TOMM6: variants seen among roughly 807,000 people sequenced by gnomAD.
TOMM6 encodes the protein translocase of outer mitochondrial membrane 6.
A neutral mutation model predicts 6.0 loss-of-function variants in TOMM6; 6 were observed. The observed-to-expected ratio is 1.00, with a 90% CI of 0.55 to 1.98. TOMM6 has a LOEUF of 1.98. Among genes scored for constraint, TOMM6 ranks in the 30% most tolerant of loss-of-function variants. The pLI, the probability that TOMM6 is intolerant of heterozygous loss-of-function variation, is 0.00. For missense variants in TOMM6, 104 were observed against 95.3 expected (o/e 1.09, Z -0.38); for synonymous variants, 44 against 36.3 (o/e 1.21, Z -0.76).
rs1210726646 is a variant in TOMM6, at chr6:41,789,267, G to T, written c.164G>T (p.Gly55Val). 6.4e-7 allele frequency: 1 copy of T among 1,551,436 alleles called. No individual in the cohort carries two copies. Among genetic ancestry groups the T allele is most frequent in the Admixed American group, 2.0e-5 (1 of 51,002 alleles). The change falls in exon 2 of 3, where the codon GGA (glycine) becomes GTA (valine). Residue 55 changes from glycine (G) to valine (V), a missense_variant. Gly to Val is a moderately radical substitution (Grantham distance 109). Coordinates refer to ENST00000398881, the MANE Select transcript of TOMM6 (RefSeq NM_001382294.1). ...LILNLGLFAA[G>V]VWLARNLSDI... ...CTAAATTTGGGACTCTTTGCTGCGGGAGTTTGGCTGGCCAGGAACTTGAGT... is the reference window on the plus strand; with the variant it reads ...CTAAATTTGGGACTCTTTGCTGCGGTAGTTTGGCTGGCCAGGAACTTGAGT...
chr6:41,787,991 G>A (rs1027113459), intron 1 of TOMM6, among the ~76,000 whole-genome samples, 166 bp downstream of exon 1: 3 of 152,200 alleles, frequency 2.0e-5, no homozygotes, highest in Admixed American at 2.0e-4. Flanking sequence ...CTGGCCAGGA[G>A]AGTTCCCGTG....
chr6:41,788,146 G>C lies in TOMM6; in HGVS notation c.128+321G>C, dbSNP rs9471654. On this transcript the variant is annotated intron_variant, in intron 1 of 2. Coordinates refer to ENST00000398881, the MANE Select transcript of TOMM6 (RefSeq NM_001382294.1). ...GCGTTTGATCTTACATTTCTTTTTT[G>C]TTTTTTTTTTTTTTTTGAGACGGAG... 5.0e-3 allele frequency among the ~76,000 whole-genome samples: 476 copies of C among 95,928 alleles called. 15 individuals are homozygous for C. Among genetic ancestry groups the C allele is most frequent in the East Asian group, 0.017 (44 of 2,666 alleles). The allele number at this position is 95,928 out of a possible 152,430, so 62.9% of individuals were successfully genotyped here. A position where few individuals can be genotyped will look rare whatever the true frequency, so the allele number is the denominator to read the frequency against.
chr6:41,789,353 A>T lies in TOMM6; in HGVS notation c.*8+17A>T. ...GCCAAGTAGGTAAGCACTGAACTAC[A>T]CCCATGCGTGTCTTAGGAGACCTAG... On this transcript the variant is annotated intron_variant, in intron 2 of 2. Transcript: ENST00000398881. The T allele has an allele frequency of 6.6e-7, 1 of 1,524,800 alleles. No homozygotes were observed. Among genetic ancestry groups the T allele is most frequent in the East Asian group, 2.5e-5 (1 of 40,800 alleles). The allele number at this position is 1,524,800 out of a possible 1,614,324, so 94.5% of individuals were successfully genotyped here. A position where few individuals can be genotyped will look rare whatever the true frequency, so the allele number is the denominator to read the frequency against.
intron 1 of TOMM6, among the ~76,000 whole-genome samples, chr6:41,788,864 G>C (rs1772739293): frequency 6.6e-6 from 1 of 150,836 alleles, no homozygotes; most frequent in African/African-American, 2.4e-5. Context: ...TCCTGCCTCA[G>C]CCTCCCCAGT....
At chr6:41,787,956 C>T (rs1772708152) in intron 1 of TOMM6, 131 bp downstream of exon 1, 4 of 1,304,604 alleles carry the variant, frequency 3.1e-6, no homozygotes, top group Non-Finnish European at 4.1e-6. Flanking sequence ...GTCTTCGTAG[C>T]TCTGGCTGTG....
At chr6:41,787,985 C>T (rs1772709023) in intron 1 of TOMM6, among the ~76,000 whole-genome samples, 160 bp downstream of exon 1, 1 of 152,158 alleles carries the variant, frequency 6.6e-6, no homozygotes, top group South Asian at 2.1e-4. Flanking sequence ...AGATCCCTGG[C>T]CAGGAGAGTT....
rs1379566787 is a variant in TOMM6, at chr6:41,787,709, C to T, written c.12C>T (p.Ser4=). 1.1e-5 allele frequency: 17 copies of T among 1,551,598 alleles called. No homozygotes were observed. Among genetic ancestry groups the T allele is most frequent in the Middle Eastern group, 1.7e-4 (1 of 6,014 alleles). Residue 4 remains serine (S), a synonymous_variant, in exon 1 of 3, where the codon AGC becomes AGT. Coordinates refer to ENST00000398881, the MANE Select transcript of TOMM6 (RefSeq NM_001382294.1). MAS[S]TVPVSAAGSA... is the part of the protein sequence containing the mutation. Reference sequence around the variant, plus strand: ...CGAAGCTTTCCACTATGGCTTCCAGCACTGTCCCGGTGAGCGCTGCTGGCT... The same window carrying T: ...CGAAGCTTTCCACTATGGCTTCCAGTACTGTCCCGGTGAGCGCTGCTGGCT...
Position 41,787,723 on chromosome 6 carries a change from G to A in TOMM6, c.26G>A (p.Ser9Asn), listed in dbSNP as rs574630326. 2.5e-4 allele frequency: 392 copies of A among 1,551,598 alleles called. No individual in the cohort carries two copies. Among genetic ancestry groups the A allele is most frequent in the Non-Finnish European group, 3.3e-4 (383 of 1,147,006 alleles). The change falls in exon 1 of 3, where the codon AGC becomes AAC. Residue 9 changes from serine (S) to asparagine (N), a missense_variant. Ser to Asn is a conservative substitution (Grantham distance 46). Coordinates refer to ENST00000398881, the MANE Select transcript of TOMM6 (RefSeq NM_001382294.1). MASSTVPVSAAGSANETPE... is the reference protein window; with the variant it reads MASSTVPVNAAGSANETPE... ...ATGGCTTCCAGCACTGTCCCGGTGA[G>A]CGCTGCTGGCTCGGCTAATGAAACT...
In TOMM6 at chr6:41,787,708, G is replaced by C. The variant is rs971304601; in HGVS notation, c.11G>C (p.Ser4Thr). The change falls in exon 1 of 3, where the codon AGC (serine) becomes ACC (threonine). Residue 4 changes from serine to threonine, a missense_variant. Physicochemically the swap from Ser to Thr is moderately conservative, Grantham distance 58. Coordinates refer to ENST00000398881, the MANE Select transcript of TOMM6 (RefSeq NM_001382294.1). ...GCGAAGCTTTCCACTATGGCTTCCAGCACTGTCCCGGTGAGCGCTGCTGGC... is the reference window on the plus strand; with the variant it reads ...GCGAAGCTTTCCACTATGGCTTCCACCACTGTCCCGGTGAGCGCTGCTGGC... MAS[S>T]TVPVSAAGSA... The C allele has an allele frequency of 6.4e-6, 10 of 1,551,694 alleles. No individual in the cohort carries two copies. The highest frequency in any genetic ancestry group is 8.7e-6 in the Non-Finnish European group (10 of 1,146,980).
Position 41,789,350 on chromosome 6 carries a change from T to A in TOMM6, c.*8+14T>A, listed in dbSNP as rs1397544803. The A allele has an allele frequency of 6.5e-7, 1 of 1,533,566 alleles. No homozygotes were observed. The highest frequency in any genetic ancestry group is 1.2e-5 in the South Asian group (1 of 83,706). 95.0% of individuals were successfully genotyped at this position (1,533,566 alleles called of 1,614,324 possible). The stretch of plus-strand genomic sequence containing the variant: ...GTAGCCAAGTAGGTAAGCACTGAAC[T>A]ACACCCATGCGTGTCTTAGGAGACC... On this transcript the variant is annotated intron_variant, in intron 2 of 2. Transcript: ENST00000398881.
intron 1 of TOMM6, among the ~76,000 whole-genome samples, chr6:41,788,443 CTTTTTTTTTTT>C (rs70987535): frequency 2.6e-5 from 1 of 38,294 alleles, no homozygotes; most frequent in African/African-American, 9.7e-5. Flanking sequence ...CACGCCCGGC[CTTTTTTTTTTT>C]TTTTTTTTTT....
chr6:41,787,806 G>A lies in TOMM6; in HGVS notation c.109G>A (p.Asp37Asn), dbSNP rs551791322. The A allele has an allele frequency of 5.6e-5, 87 of 1,551,768 alleles. No individual in the cohort carries two copies. In the East Asian group the frequency reaches 6.6e-4, roughly 12 times the overall value. Residue 37 changes from aspartate (D) to asparagine (N), a missense_variant, in exon 1 of 3, where the codon GAT (aspartate) becomes AAT (asparagine). By Grantham distance (23) the Asp-to-Asn change is conservative. Transcript: ENST00000398881. ...TCGGGGCGTCTACCGCTTTGCCACT[G>A]ATAGGAATGACTTCCGGAGGTAACC... ...WLRGVYRFATDRNDFRRNLIL... is the reference protein window; with the variant it reads ...WLRGVYRFATNRNDFRRNLIL...
chr6:41,787,927 A>C (rs1215815240), intron 1 of TOMM6, 102 bp downstream of exon 1: 3 of 1,457,336 alleles, frequency 2.1e-6, no homozygotes, highest in Non-Finnish European at 2.8e-6. Context: ...TTGTTTTTTA[A>C]CATTACCAGC....
chr6:41,789,086 C>T (rs1772745175), intron 1 of TOMM6, 146 bp from the exon 2 acceptor site: 3 of 719,948 alleles, frequency 4.2e-6, no homozygotes, highest in Non-Finnish European at 7.2e-6. Flanking sequence ...TCCAAATTCC[C>T]ACGTGGGTCT....
intron 1 of TOMM6, among the ~76,000 whole-genome samples, chr6:41,788,146 G>GC: frequency 1.0e-5 from 1 of 95,954 alleles, no homozygotes; most frequent in Non-Finnish European, 2.2e-5. Flanking sequence ...TTTCTTTTTT[G>GC]TTTTTTTTTT....
chr6:41,787,966 G>C, intron 1 of TOMM6, 141 bp downstream of exon 1: 1 of 1,213,766 alleles, frequency 8.2e-7, no homozygotes, highest in South Asian at 1.6e-5. Flanking sequence ...CTCTGGCTGT[G>C]CCTCACTGAG....
Position 41,789,356 on chromosome 6 carries a change from C to A in TOMM6, c.*8+20C>A, listed in dbSNP as rs572304837. 141 of 1,516,580 alleles carry A rather than the reference C, an allele frequency of 9.3e-5. 1 individual carries two copies. Among genetic ancestry groups the A allele is most frequent in the Middle Eastern group, 5.1e-4 (3 of 5,924 alleles). 93.9% of individuals were successfully genotyped at this position (1,516,580 alleles called of 1,614,324 possible). A position where few individuals can be genotyped will look rare whatever the true frequency, so the allele number is the denominator to read the frequency against. On this transcript the variant is annotated intron_variant, in intron 2 of 2. Coordinates refer to ENST00000398881, the MANE Select transcript of TOMM6 (RefSeq NM_001382294.1). Reference sequence around the variant, plus strand: ...AAGTAGGTAAGCACTGAACTACACCCATGCGTGTCTTAGGAGACCTAGAGA... The same window carrying A: ...AAGTAGGTAAGCACTGAACTACACCAATGCGTGTCTTAGGAGACCTAGAGA...
At position 41,789,323 on chromosome 6, in the gene TOMM6, G is replaced by T. The variant is rs928672449; in HGVS notation, c.220G>T (p.Val74Leu). The change falls in exon 2 of 3, where the codon GTG becomes TTG. Residue 74 changes from valine to leucine, a missense_variant. Val to Leu is a conservative substitution (Grantham distance 32). Transcript: ENST00000398881. The part of the protein sequence containing the change: ...DIDLMAPQPG[V>L] ...TGACCTCATGGCACCTCAGCCAGGGGTGTAGCCAAGTAGGTAAGCACTGAA... is the reference window on the plus strand; with the variant it reads ...TGACCTCATGGCACCTCAGCCAGGGTTGTAGCCAAGTAGGTAAGCACTGAA... 6.4e-7 allele frequency: 1 copy of T among 1,551,630 alleles called. No individual in the cohort carries two copies. The highest frequency in any genetic ancestry group is 8.7e-7 in the Non-Finnish European group (1 of 1,146,906).
Position 41,787,837 on chromosome 6 carries a change from C to T in TOMM6, c.128+12C>T. ...AATGACTTCCGGAGGTAACCGAGCCCGAGGAACTTGGTCCTTTTCTGGCCC... is the reference window on the plus strand; with the variant it reads ...AATGACTTCCGGAGGTAACCGAGCCTGAGGAACTTGGTCCTTTTCTGGCCC... On this transcript the variant is annotated intron_variant, in intron 1 of 2. Coordinates refer to ENST00000398881, the MANE Select transcript of TOMM6 (RefSeq NM_001382294.1). The T allele has an allele frequency of 6.4e-7, 1 of 1,551,596 alleles. No homozygotes were observed. The highest frequency in any genetic ancestry group is 8.7e-7 in the Non-Finnish European group (1 of 1,146,886).
Sources: allele counts gnomAD v4.1 joint callset (sites outside exome capture counted in the v4.1 genomes callset), GRCh38; gene constraint gnomAD v4.1.1; transcripts MANE v1.5; gene names NCBI Gene and HGNC (gene_info 2026-07-23, HGNC 2026-07-21).